The following NCKAP5 variants were observed in gnomAD, a reference collection of about 807,000 sequenced individuals.
The protein encoded by NCKAP5 is NCK associated protein 5.
NCKAP5 carries 92 observed loss-of-function variants against 167.0 expected under a neutral mutation model. The observed-to-expected ratio is 0.55, with a 90% CI of 0.47 to 0.66. NCKAP5 has a LOEUF of 0.66. Ranked by LOEUF, NCKAP5 falls within the 30% of genes least tolerant of loss-of-function variation. The pLI, the probability that NCKAP5 is intolerant of heterozygous loss-of-function variation, is 0.00. For synonymous variants in NCKAP5, 891 were observed against 877.4 expected (o/e 1.02, Z -0.27); for missense variants, 2,378 against 2,315.0 (o/e 1.03, Z -0.56).
chr2:133,595,546 G>A, the NCKAP5 span, among the ~76,000 whole-genome samples: 1 of 151,558 alleles, frequency 6.6e-6, no homozygotes. Flanking sequence ...AGGGAGGTTA[G>A]GCAGAAGAGA....
At chr2:133,400,748 T>C (rs765103523) in intron 3 of NCKAP5, among the ~76,000 whole-genome samples, 1 of 152,204 alleles carries the variant, frequency 6.6e-6, no homozygotes, top group African/African-American at 2.4e-5. Flanking sequence ...AATGATTAAA[T>C]GGTATCGATT....
intron 3 of NCKAP5, among the ~76,000 whole-genome samples, chr2:133,347,922 T>C (rs1378177179): frequency 1.3e-5 from 2 of 152,234 alleles, no homozygotes; most frequent in Admixed American, 6.5e-5. Context: ...GAGATTATAA[T>C]TGGGTTTAAA....
chr2:132,929,336 A>T (rs1040069103), intron 8 of NCKAP5, among the ~76,000 whole-genome samples: 4 of 152,204 alleles, frequency 2.6e-5, no homozygotes, highest in African/African-American at 9.7e-5. Context: ...TAACACTATG[A>T]CTGTTTGATG....
chr2:133,520,022 C>T (rs1235835523), intron 2 of NCKAP5, among the ~76,000 whole-genome samples: 1 of 151,452 alleles, frequency 6.6e-6, no homozygotes, highest in African/African-American at 2.4e-5. Flanking sequence ...CCCATCTCTA[C>T]TAAAAATAAA....
At chr2:132,975,432 C>A (rs910870290) in intron 7 of NCKAP5, among the ~76,000 whole-genome samples, 2 of 152,146 alleles carry the variant, frequency 1.3e-5, no homozygotes, top group African/African-American at 4.8e-5. Context: ...TTGAACAGAT[C>A]CTGTGGAGTT....
intron 16 of NCKAP5, among the ~76,000 whole-genome samples, chr2:132,760,069 C>T (rs1466712032): frequency 3.3e-5 from 5 of 152,066 alleles, no homozygotes; most frequent in Admixed American, 6.6e-5. Flanking sequence ...AATATAAGGA[C>T]ATTACTTGCT....
chr2:132,835,454 T>C (rs890127277), intron 11 of NCKAP5, among the ~76,000 whole-genome samples: 1 of 152,206 alleles, frequency 6.6e-6, no homozygotes, highest in Non-Finnish European at 1.5e-5. Context: ...GTCTTTTATC[T>C]TCCTTAGAAC....
At chr2:133,190,952 A>G (rs1413883339) in intron 5 of NCKAP5, among the ~76,000 whole-genome samples, 1 of 152,224 alleles carries the variant, frequency 6.6e-6, no homozygotes, top group Non-Finnish European at 1.5e-5. Context: ...GCTTCTGCAC[A>G]GCAAAAGAAA....
chr2:133,027,153 G>A (rs146646155), intron 6 of NCKAP5, among the ~76,000 whole-genome samples: 189 of 152,226 alleles, frequency 1.2e-3, no homozygotes, highest in Middle Eastern at 6.8e-3. Flanking sequence ...CCATGACCTG[G>A]TAACCATTAA....
At chr2:133,112,023 C>T (rs1250757469) in intron 6 of NCKAP5, among the ~76,000 whole-genome samples, 3 of 152,076 alleles carry the variant, frequency 2.0e-5, no homozygotes, top group South Asian at 2.1e-4. Flanking sequence ...AGCTGGGAGA[C>T]AGAAATGCAA....
intron 6 of NCKAP5, among the ~76,000 whole-genome samples, chr2:133,112,398 C>T (rs376539517): frequency 7.2e-5 from 11 of 151,990 alleles, no homozygotes; most frequent in African/African-American, 1.7e-4. Context: ...AGCGTGAACC[C>T]GGGAGGCGGA....
At chr2:132,676,023 G>A (rs1300446052) in intron 19 of NCKAP5, among the ~76,000 whole-genome samples, 2 of 152,122 alleles carry the variant, frequency 1.3e-5, no homozygotes, top group Non-Finnish European at 2.9e-5. Flanking sequence ...GAGTGGTGAG[G>A]GCTGCAGTCA....
intron 3 of NCKAP5, among the ~76,000 whole-genome samples, chr2:133,454,152 C>T (rs1691710335): frequency 6.6e-6 from 1 of 151,950 alleles, no homozygotes; most frequent in Admixed American, 6.6e-5. Flanking sequence ...TTAAAATGTT[C>T]TTCTAAGTAG....
chr2:133,547,537 C>A (rs34760299), intron 2 of NCKAP5, among the ~76,000 whole-genome samples: 6 of 148,972 alleles, frequency 4.0e-5, no homozygotes, highest in African/African-American at 9.8e-5. Flanking sequence ...ATCTGAGAAC[C>A]GGCAGACTGC....
intron 16 of NCKAP5, among the ~76,000 whole-genome samples, chr2:132,735,176 G>GGT (rs1182751464): frequency 2.6e-5 from 4 of 151,954 alleles, no homozygotes; most frequent in Non-Finnish European, 5.9e-5. Flanking sequence ...TTCTCGCCAG[G>GGT]ATTTTTTTTA....
chr2:133,341,139 A>T (rs896683959), intron 3 of NCKAP5, among the ~76,000 whole-genome samples: 1 of 152,054 alleles, frequency 6.6e-6, no homozygotes, highest in Non-Finnish European at 1.5e-5. Flanking sequence ...ATCTCCTACA[A>T]CCACATTCTT....
chr2:132,894,945 T>A (rs958948641), intron 8 of NCKAP5, among the ~76,000 whole-genome samples: 1 of 152,142 alleles, frequency 6.6e-6, no homozygotes, highest in African/African-American at 2.4e-5. Context: ...GGAATTTAGC[T>A]TGGGCATTGC....
At chr2:132,907,950 C>T (rs541322227) in intron 8 of NCKAP5, among the ~76,000 whole-genome samples, 39 of 152,252 alleles carry the variant, frequency 2.6e-4, no homozygotes, top group Non-Finnish European at 5.4e-4. Context: ...AGCCACCATG[C>T]CTGGCCCACA....
intron 3 of NCKAP5, among the ~76,000 whole-genome samples, chr2:133,358,055 A>T (rs1301717147): frequency 3.9e-5 from 6 of 152,166 alleles, no homozygotes; most frequent in Non-Finnish European, 8.8e-5. Flanking sequence ...TCCTTCTCCC[A>T]TTAAGACTTA....
Sources: allele counts gnomAD v4.1 joint callset (sites outside exome capture counted in the v4.1 genomes callset), GRCh38; gene constraint gnomAD v4.1.1; transcripts MANE v1.5; gene names NCBI Gene and HGNC (gene_info 2026-07-23, HGNC 2026-07-21).